The following DPF3 variants were observed in gnomAD, a reference collection of about 807,000 sequenced individuals.
DPF3 encodes the protein zinc finger protein DPF3.
A neutral mutation model predicts 56.8 loss-of-function variants in DPF3; 18 were observed. That is an observed-to-expected ratio of 0.32 (90% CI 0.22 to 0.47). The LOEUF is 0.47. Among genes scored for constraint, DPF3 ranks in the 20% least tolerant of loss-of-function variants. The pLI, the probability that DPF3 is intolerant of heterozygous loss-of-function variation, is 1.00. For missense variants in DPF3, 403 were observed against 488.8 expected (o/e 0.82, Z 1.65); for synonymous variants, 188 against 180.2 (o/e 1.04, Z -0.35).
intron 7 of DPF3, among the ~76,000 whole-genome samples, chr14:72,681,268 C>G (rs886631357): frequency 3.9e-5 from 6 of 152,172 alleles, no homozygotes; most frequent in African/African-American, 1.4e-4. Flanking sequence ...TCCTAAGTCC[C>G]TCTTATATCG....
intron 3 of DPF3, among the ~76,000 whole-genome samples, chr14:72,742,029 G>A (rs1301267795): frequency 6.6e-6 from 1 of 152,212 alleles, no homozygotes; most frequent in Non-Finnish European, 1.5e-5. Context: ...CACAGACTTC[G>A]TCCCCCAGTC....
At chr14:72,794,945 A>T (rs1892575656) in intron 1 of DPF3, among the ~76,000 whole-genome samples, 1 of 151,878 alleles carries the variant, frequency 6.6e-6, no homozygotes, top group Non-Finnish European at 1.5e-5. Flanking sequence ...TCATATCTCC[A>T]GCTCTGACTC....
intron 9 of DPF3, among the ~76,000 whole-genome samples, chr14:72,621,591 C>G (rs932227397): frequency 1.3e-5 from 2 of 152,054 alleles, no homozygotes; most frequent in African/African-American, 4.8e-5. Flanking sequence ...GGGAGTGATA[C>G]GATCAGATTG....
At chr14:72,685,958 T>G (rs1887393437) in intron 7 of DPF3, among the ~76,000 whole-genome samples, 1 of 152,214 alleles carries the variant, frequency 6.6e-6, no homozygotes, top group Non-Finnish European at 1.5e-5. Flanking sequence ...CTGGCTGGGT[T>G]TTATGACTCT....
chr14:72,842,884 G>A (rs901581907), intron 1 of DPF3, among the ~76,000 whole-genome samples: 8 of 152,146 alleles, frequency 5.3e-5, no homozygotes, highest in South Asian at 2.1e-4. Context: ...TTAGCCAGGC[G>A]TGGTGGCAGA....
At chr14:72,785,448 G>A (rs1361318312) in intron 1 of DPF3, among the ~76,000 whole-genome samples, 2 of 152,038 alleles carry the variant, frequency 1.3e-5, no homozygotes, top group Non-Finnish European at 2.9e-5. Context: ...TTACAGTCTT[G>A]CCAGAACCTT....
chr14:72,811,060 G>A (rs552112755), intron 1 of DPF3, among the ~76,000 whole-genome samples: 4 of 152,198 alleles, frequency 2.6e-5, no homozygotes, highest in East Asian at 1.9e-4. Flanking sequence ...GAGAGCAGGC[G>A]TGTCACATGG....
intron 6 of DPF3, among the ~76,000 whole-genome samples, chr14:72,714,094 T>C (rs1888781336): frequency 6.6e-6 from 1 of 152,010 alleles, no homozygotes; most frequent in Non-Finnish European, 1.5e-5. Flanking sequence ...CAGAAAGAAA[T>C]AGAGGATGAA....
intron 4 of DPF3, among the ~76,000 whole-genome samples, chr14:72,724,689 G>A (rs1412288901): frequency 1.4e-5 from 2 of 145,088 alleles, no homozygotes; most frequent in African/African-American, 2.6e-5. Flanking sequence ...CCATGTCAGG[G>A]GGCCCAGAGG....
intron 9 of DPF3, among the ~76,000 whole-genome samples, chr14:72,627,723 T>G (rs917374540): frequency 6.6e-6 from 1 of 152,128 alleles, no homozygotes; most frequent in African/African-American, 2.4e-5. Context: ...TGAGATAAAT[T>G]TATAAATTAA....
At chr14:72,664,393 G>A (rs566204079) in intron 8 of DPF3, among the ~76,000 whole-genome samples, 44 of 152,054 alleles carry the variant, frequency 2.9e-4, no homozygotes, top group Non-Finnish European at 4.3e-4. Context: ...AAAATCATGC[G>A]TGAGTCCCAA....
intron 1 of DPF3, among the ~76,000 whole-genome samples, chr14:72,823,573 C>G (rs1006846419): frequency 6.6e-6 from 1 of 152,062 alleles, no homozygotes; most frequent in Non-Finnish European, 1.5e-5. Flanking sequence ...CATTGCGTGG[C>G]GAGGAGTCAG....
chr14:72,834,506 A>C, intron 1 of DPF3, among the ~76,000 whole-genome samples: 1 of 151,452 alleles, frequency 6.6e-6, no homozygotes, highest in East Asian at 1.9e-4. Flanking sequence ...AAAAAAAAAA[A>C]AAAAAAAAAA....
chr14:72,810,269 A>G (rs1990442), intron 1 of DPF3, among the ~76,000 whole-genome samples: 148,288 of 152,288 alleles, frequency 0.97, 72,238 homozygotes, highest in East Asian at 1. Flanking sequence ...GAACATGCTC[A>G]TTGATGTGCC....
rs1884069674 is a variant in DPF3 at position 72,616,091 on chromosome 14, GGGCCA to G, written c.*3201_*3205del. 6.6e-6 allele frequency among the ~76,000 whole-genome samples: 1 copy of G among 152,100 alleles called. No homozygotes were observed. Among genetic ancestry groups the G allele is most frequent in the African/African-American group, 2.4e-5 (1 of 41,406 alleles). ...TGGGGACCATCATCATGCCAGACCCGGGCCAGGATCTTTACCAATGTCACCTTGAA... is the reference window on the plus strand; with the variant it reads ...TGGGGACCATCATCATGCCAGACCCGGGATCTTTACCAATGTCACCTTGAA... On this transcript the variant is annotated 3_prime_UTR_variant, in exon 11 of 11. Coordinates refer to ENST00000556509, the MANE Select transcript of DPF3 (RefSeq NM_001280542.3).
intron 1 of DPF3, among the ~76,000 whole-genome samples, chr14:72,828,072 T>C (rs532187588): frequency 1.3e-5 from 2 of 152,118 alleles, no homozygotes; most frequent in South Asian, 4.1e-4. Context: ...TTTTTCAGAG[T>C]TCTTCAAAAA....
chr14:72,739,172 G>T (rs2109793), intron 3 of DPF3, among the ~76,000 whole-genome samples: 1 of 151,548 alleles, frequency 6.6e-6, no homozygotes, highest in Non-Finnish European at 1.5e-5. Context: ...AACCTGGAAG[G>T]GGGAGGTTGC....
chr14:72,619,354 G>A lies in DPF3; in HGVS notation c.1080C>T (p.Cys360=). ...CTTTGAGCAGTTCCCAGCATAAGTGGCAGCTCCAGCTTCCTGCAAGAAATG... is the reference window on the plus strand; with the variant it reads ...CTTTGAGCAGTTCCCAGCATAAGTGACAGCTCCAGCTTCCTGCAAGAAATG... The part of the protein sequence containing the change: ...VAEPPEGSWS[C]HLCWELLKEK... Residue 360 remains cysteine, a synonymous_variant, in exon 11 of 11, where the codon TGC becomes TGT. Transcript: ENST00000556509. 1 of 1,536,130 alleles carries A rather than the reference G, an allele frequency of 6.5e-7. No homozygotes were observed. The highest frequency in any genetic ancestry group is 8.7e-7 in the Non-Finnish European group (1 of 1,146,906).
chr14:72,833,605 C>T (rs996931695), intron 1 of DPF3, among the ~76,000 whole-genome samples: 7 of 152,022 alleles, frequency 4.6e-5, no homozygotes, highest in Non-Finnish European at 4.4e-5. Context: ...GAAGAAGAGA[C>T]CCCAAAAAAC....
Sources: gnomAD v4.1 joint callset for allele counts (sites outside exome capture counted in the v4.1 genomes callset) on GRCh38, gnomAD v4.1.1 for gene constraint, MANE v1.5 for transcripts, NCBI Gene and HGNC (gene_info 2026-07-23, HGNC 2026-07-21) for gene names.